Variants in ANO7 observed in about 807,000 individuals in gnomAD.
ANO7 encodes anoctamin-7.
A neutral mutation model predicts 115.8 loss-of-function variants in ANO7; 114 were observed. The observed-to-expected ratio is 0.98, with a 90% CI of 0.85 to 1.15. The LOEUF (loss-of-function observed/expected upper bound fraction) is 1.15, where lower values mean the gene tolerates loss of function less well. Among genes scored for constraint, ANO7 ranks in the 50% most tolerant of loss-of-function variants. The probability of loss-of-function intolerance (pLI) is 0.00; values close to 1 mark genes in which losing one functional copy is unlikely to be tolerated. For synonymous variants in ANO7, 550 were observed against 498.2 expected (o/e 1.10, Z -1.38); for missense variants, 1,302 against 1,201.2 (o/e 1.08, Z -1.24).
At chr2:241,236,369 C>T in the ANO7 span, 22 of 542,054 alleles carry the variant, frequency 4.1e-5, no homozygotes, top group Non-Finnish European at 6.6e-5. Flanking sequence ...CCTGAGAGGC[C>T]GGATCCCATG....
intron 19 of ANO7, among the ~76,000 whole-genome samples, chr2:241,216,918 C>G: frequency 6.6e-6 from 1 of 152,258 alleles, no homozygotes; most frequent in African/African-American, 2.4e-5. Flanking sequence ...ACTCCAACCT[C>G]CACCTCCCAG....
chr2:241,197,714 G>C (rs2068377350), intron 4 of ANO7, among the ~76,000 whole-genome samples: 1 of 148,454 alleles, frequency 6.7e-6, no homozygotes, highest in Non-Finnish European at 1.5e-5. Flanking sequence ...ACAGTGGTGT[G>C]ATCTTGGCTC....
intron 17 of ANO7, among the ~76,000 whole-genome samples, chr2:241,213,241 G>T (rs1394273397): frequency 6.8e-6 from 1 of 146,294 alleles, no homozygotes; most frequent in Non-Finnish European, 1.5e-5. Context: ...TGGCACACAG[G>T]GGTCGCAGGG....
chr2:241,218,216 G>A (rs773646091), intron 20 of ANO7, 23 bp from the exon 21 acceptor site: 10 of 1,428,576 alleles, frequency 7.0e-6, no homozygotes, highest in African/African-American at 3.0e-5. Context: ...GGGCCGCCTC[G>A]CGCTGACCCC....
chr2:241,238,741 C>G, the ANO7 span: 4 of 1,576,360 alleles, frequency 2.5e-6, no homozygotes, highest in Non-Finnish European at 2.6e-6. This position sits in a 1 kb window ranked among gnomAD's most constrained non-coding sequence, Gnocchi z 4.9. Context: ...CATGACAGAT[C>G]GATGGAATTT....
chr2:241,205,480 G>T (rs1357452140), intron 10 of ANO7, among the ~76,000 whole-genome samples: 3 of 141,208 alleles, frequency 2.1e-5, no homozygotes, highest in South Asian at 2.4e-4. Flanking sequence ...GTGCTCCAAG[G>T]CTGACACAGG....
chr2:241,196,184 C>G, intron 4 of ANO7: 1 of 1,233,646 alleles, frequency 8.1e-7, no homozygotes, highest in Non-Finnish European at 1.0e-6. Flanking sequence ...GTGTTTATGA[C>G]TCTCAGTGTG....
At chr2:241,202,954 G>A (rs1203807573) in intron 8 of ANO7, among the ~76,000 whole-genome samples, 1 of 152,152 alleles carries the variant, frequency 6.6e-6, no homozygotes, top group Non-Finnish European at 1.5e-5. Flanking sequence ...ACCTTGCTGG[G>A]GTGGCTCCTC....
Position 241,203,199 on chromosome 2 carries a change from A to AT in ANO7, c.724-128dup, listed in dbSNP as rs898694936. On this transcript the variant is annotated intron_variant, in intron 8 of 24. Coordinates refer to ENST00000674324, the MANE Select transcript of ANO7 (RefSeq NM_001370694.2). The surrounding 1 kb of genome is among the most constrained non-coding windows in gnomAD (Gnocchi z 4.8). ...TGTACCCACCCCTCCACATTACTCT[A>AT]TTTTTTCTTCATGGAGCAATCCCAG... 2.5e-4 allele frequency: 166 copies of AT among 677,438 alleles called. 1 individual carries two copies. In the African/African-American group the frequency reaches 2.8e-3, roughly 11 times the overall value. The allele number at this position is 677,438 out of a possible 1,614,324, so 42.0% of individuals were successfully genotyped here. A position where few individuals can be genotyped will look rare whatever the true frequency, so the allele number is the denominator to read the frequency against.
In ANO7 at chr2:241,210,557, C is replaced by G. The variant is rs2068699268; in HGVS notation, c.1548C>G (p.Val516=). Residue 516 remains valine, a synonymous_variant, in exon 15 of 25, where the codon GTC becomes GTG. Transcript: ENST00000674324. ...AGATCTATGTATCCCTGGCCCACGT[C>G]CTGACACGATGGGGTGAGTGGGCTG... is the stretch of plus-strand genomic sequence containing the variant. The part of the protein sequence containing the change: ...LSKIYVSLAH[V]LTRWEMHRTQ... 6.2e-7 allele frequency: 1 copy of G among 1,613,720 alleles called. No homozygotes were observed.
intron 3 of ANO7, 117 bp downstream of exon 3, chr2:241,191,368 C>A: frequency 1.5e-6 from 2 of 1,311,932 alleles, no homozygotes; most frequent in Non-Finnish European, 2.1e-6. Flanking sequence ...ACTCTGGGGC[C>A]AGTTGCTTGG....
rs78483427 is a variant in ANO7, at chr2:241,219,624, C to T, written c.2321+1243C>T. 3.2e-3 allele frequency among the ~76,000 whole-genome samples: 486 copies of T among 151,514 alleles called. 1 individual carries two copies. Among genetic ancestry groups the T allele is most frequent in the African/African-American group, 0.012 (475 of 41,280 alleles). The stretch of plus-strand genomic sequence containing the variant: ...GCTCTGTATCCCATTCTAGAATGCA[C>T]TGCCACAATTATAGCTCACTGCACC... On this transcript the variant is annotated intron_variant, in intron 21 of 24. Transcript: ENST00000674324.
In ANO7 at chr2:241,190,416, A is replaced by G. The variant is rs4675826; in HGVS notation, c.108+245A>G. Among the ~76,000 whole-genome samples, 20,429 of 152,218 alleles carry G rather than the reference A, an allele frequency of 0.13. 2,442 individuals carry two copies. The highest frequency in any genetic ancestry group is 0.62 in the East Asian group (3,207 of 5,152). ...CCACTGATGTTCAGACAGGAGCTCC[A>G]GGAGGGTAAGGGGGGCCTGGCCAGG... On this transcript the variant is annotated intron_variant, in intron 2 of 24. Coordinates refer to ENST00000674324, the MANE Select transcript of ANO7 (RefSeq NM_001370694.2).
chr2:241,230,515 A>G (rs1464316007), downstream of ANO7, among the ~76,000 whole-genome samples: 1 of 152,204 alleles, frequency 6.6e-6, no homozygotes, highest in Non-Finnish European at 1.5e-5. The surrounding 1 kb of genome is among the most constrained non-coding windows in gnomAD (Gnocchi z 5.0). Context: ...TCCCACCCAC[A>G]GAGGACGAGC....
intron 11 of ANO7, among the ~76,000 whole-genome samples, chr2:241,208,409 C>A (rs1009475970): frequency 2.0e-5 from 3 of 152,218 alleles, no homozygotes; most frequent in Non-Finnish European, 2.9e-5. Flanking sequence ...CTTGTGGCCG[C>A]CTCATTCCAA....
At chr2:241,216,826 G>C (rs546231879) in intron 19 of ANO7, among the ~76,000 whole-genome samples, 87 of 33,468 alleles carry the variant, frequency 2.6e-3, no homozygotes, top group African/African-American at 8.7e-3. Context: ...CAGGCAGTTT[G>C]TTTGTTTGTT....
At chr2:241,190,325 C>T (rs1188069106) in intron 2 of ANO7, among the ~76,000 whole-genome samples, 154 bp downstream of exon 2, 1 of 152,222 alleles carries the variant, frequency 6.6e-6, no homozygotes, top group Non-Finnish European at 1.5e-5. Context: ...GCCACCCAGT[C>T]CTCAACACAC....
rs755467152 is a variant in ANO7, at chr2:241,204,964, T to C, written c.980+9T>C. On this transcript the variant is annotated intron_variant, in intron 10 of 24. Transcript: ENST00000674324. The stretch of plus-strand genomic sequence containing the variant: ...TTCTCAGACATACCCACGTGAGTGT[T>C]CCCTCTCCGCAGCTCTGGGGCCTGG... 6.2e-7 allele frequency: 1 copy of C among 1,613,414 alleles called. No individual in the cohort carries two copies. The highest frequency in any genetic ancestry group is 2.2e-5 in the East Asian group (1 of 44,880).
At chr2:241,208,543 G>C (rs973454944) in intron 11 of ANO7, among the ~76,000 whole-genome samples, 1 of 152,088 alleles carries the variant, frequency 6.6e-6, no homozygotes, top group African/African-American at 2.4e-5. Flanking sequence ...ATCTACAAAG[G>C]CCCTTATTCA....
Sources: allele counts gnomAD v4.1 joint callset (sites outside exome capture counted in the v4.1 genomes callset), GRCh38; gene constraint gnomAD v4.1.1; non-coding constraint Gnocchi (gnomAD v3.1); transcripts MANE v1.5; gene names NCBI Gene and HGNC (gene_info 2026-07-23, HGNC 2026-07-21).